The following BANK1 variants were observed in gnomAD, a reference collection of about 807,000 sequenced individuals.
BANK1 encodes the protein B cell scaffold protein with ankyrin repeats 1.
BANK1 carries 95 observed loss-of-function variants against 94.5 expected under a neutral mutation model. The observed-to-expected ratio is 1.00, with a 90% confidence interval of 0.85 to 1.19. The LOEUF (loss-of-function observed/expected upper bound fraction) is 1.19, where lower values mean the gene tolerates loss of function less well. Among genes scored for constraint, BANK1 ranks in the 50% most tolerant of loss-of-function variants. BANK1 has a pLI of 0.00. For synonymous variants in BANK1, 334 were observed against 308.4 expected (o/e 1.08, Z -0.87); for missense variants, 987 against 932.2 (o/e 1.06, Z -0.77).
chr4:101,950,325 T>C (rs1221498624), intron 7 of BANK1, among the ~76,000 whole-genome samples: 13 of 151,924 alleles, frequency 8.6e-5, no homozygotes, highest in Non-Finnish European at 1.2e-4. Context: ...ATATACACTG[T>C]GGGTAAACGT....
At chr4:101,808,095 A>AG (rs1725622355) in intron 1 of BANK1, among the ~76,000 whole-genome samples, 2 of 145,652 alleles carry the variant, frequency 1.4e-5, no homozygotes, top group Non-Finnish European at 3.1e-5. Context: ...AAAAAAAAAA[A>AG]AGAAATGAAA....
At chr4:102,009,544 G>A (rs1249993332) in intron 7 of BANK1, among the ~76,000 whole-genome samples, 1 of 152,150 alleles carries the variant, frequency 6.6e-6, no homozygotes, top group East Asian at 1.9e-4. Flanking sequence ...TTGATTTATA[G>A]TAATTGTTAG....
At chr4:101,802,260 T>G (rs1244718228) in intron 1 of BANK1, among the ~76,000 whole-genome samples, 2 of 152,240 alleles carry the variant, frequency 1.3e-5, no homozygotes, top group Non-Finnish European at 2.9e-5. Flanking sequence ...AACATCATCA[T>G]ACAGGTAAAA....
At chr4:101,922,329 T>C (rs189585895) in intron 7 of BANK1, among the ~76,000 whole-genome samples, 1 of 151,952 alleles carries the variant, frequency 6.6e-6, no homozygotes. Context: ...ACAAGTAGAT[T>C]GTTCCATTTA....
chr4:101,792,178 A>G (rs1393282731), intron 1 of BANK1, among the ~76,000 whole-genome samples: 3 of 151,972 alleles, frequency 2.0e-5, no homozygotes, highest in Non-Finnish European at 4.4e-5. Context: ...GGCACTTGCT[A>G]TTGTGAATAA....
intron 5 of BANK1, among the ~76,000 whole-genome samples, chr4:101,878,937 AG>A (rs1728583566): frequency 6.6e-6 from 1 of 152,022 alleles, no homozygotes; most frequent in South Asian, 2.1e-4. Flanking sequence ...AAAATCTATG[AG>A]ATACAGCAAA....
intron 7 of BANK1, among the ~76,000 whole-genome samples, chr4:101,950,018 G>GGGGT (rs908777024): frequency 3.3e-5 from 5 of 149,304 alleles, no homozygotes; most frequent in South Asian, 2.1e-4. Flanking sequence ...GGAAGTAAGG[G>GGGGT]GTGTGTGTGT....
intron 2 of BANK1, among the ~76,000 whole-genome samples, chr4:101,853,682 T>A (rs1225751520): frequency 6.6e-6 from 1 of 152,192 alleles, no homozygotes; most frequent in African/African-American, 2.4e-5. Flanking sequence ...ATTAATGGAA[T>A]ATTAATGACT....
chr4:101,880,387 A>G (rs369746665), intron 5 of BANK1, among the ~76,000 whole-genome samples: 1 of 152,050 alleles, frequency 6.6e-6, no homozygotes, highest in African/African-American at 2.4e-5. Flanking sequence ...AAAGTGAAAG[A>G]TATCTATAAT....
At chr4:101,944,037 TGTGAGA>T (rs1275630866) in intron 7 of BANK1, among the ~76,000 whole-genome samples, 112 of 148,136 alleles carry the variant, frequency 7.6e-4, no homozygotes, top group Middle Eastern at 3.5e-3. Flanking sequence ...TGTGTGTGTG[TGTGAGA>T]GAGAGAGAGA....
chr4:101,898,502 A>G (rs1722166760), intron 6 of BANK1, among the ~76,000 whole-genome samples: 1 of 152,002 alleles, frequency 6.6e-6, no homozygotes, highest in African/African-American at 2.4e-5. Flanking sequence ...ATTATTATTT[A>G]TTTCTCTGTA....
At chr4:102,034,945 C>G (rs1445424801) in intron 10 of BANK1, among the ~76,000 whole-genome samples, 1 of 152,104 alleles carries the variant, frequency 6.6e-6, no homozygotes, top group Non-Finnish European at 1.5e-5. Flanking sequence ...CTATAAGATC[C>G]ATGAAGGAAG....
chr4:102,063,052 G>C (rs1236021303), intron 12 of BANK1, 23 bp from the exon 13 acceptor site: 7 of 1,603,264 alleles, frequency 4.4e-6, no homozygotes, highest in Non-Finnish European at 6.0e-6. Flanking sequence ...TCATAACTAT[G>C]TCCTGGTTGT....
At chr4:101,847,419 G>A (rs950926021) in intron 2 of BANK1, among the ~76,000 whole-genome samples, 12 of 151,756 alleles carry the variant, frequency 7.9e-5, no homozygotes, top group Admixed American at 2.6e-4. Flanking sequence ...TTATTGGGGT[G>A]CAGGTGGTAT....
intron 7 of BANK1, among the ~76,000 whole-genome samples, chr4:101,926,744 A>G (rs1723165717): frequency 6.6e-6 from 1 of 151,758 alleles, no homozygotes; most frequent in Non-Finnish European, 1.5e-5. Context: ...GTAGTCAGGG[A>G]AGTATTCACT....
intron 7 of BANK1, among the ~76,000 whole-genome samples, chr4:102,018,150 T>TAA (rs1464498181): frequency 6.6e-6 from 1 of 152,190 alleles, no homozygotes; most frequent in Non-Finnish European, 1.5e-5. Flanking sequence ...GGTTTTAGTA[T>TAA]AACATTGATC....
At chr4:101,856,444 A>G (rs920567720) in intron 3 of BANK1, among the ~76,000 whole-genome samples, 1 of 152,216 alleles carries the variant, frequency 6.6e-6, no homozygotes, top group African/African-American at 2.4e-5. Context: ...GTCAGAAACA[A>G]TGGAAAAGAC....
chr4:101,906,462 G>A (rs1456760794), intron 6 of BANK1, among the ~76,000 whole-genome samples: 1 of 152,066 alleles, frequency 6.6e-6, no homozygotes, highest in Non-Finnish European at 1.5e-5. Context: ...CAGTCACTGG[G>A]GCAACCACTT....
chr4:101,998,686 A>G (rs891156531), intron 7 of BANK1, among the ~76,000 whole-genome samples: 2 of 151,688 alleles, frequency 1.3e-5, no homozygotes, highest in Admixed American at 6.6e-5. Flanking sequence ...GTCTTTTTTG[A>G]TCTTTGTTGG....
Sources: allele counts gnomAD v4.1 joint callset (sites outside exome capture counted in the v4.1 genomes callset), GRCh38; gene constraint gnomAD v4.1.1; transcripts MANE v1.5; gene names NCBI Gene and HGNC (gene_info 2026-07-23, HGNC 2026-07-21).